DNAJC15: variants seen among roughly 807,000 people sequenced by gnomAD.
The protein encoded by DNAJC15 is DnaJ heat shock protein family (Hsp40) member C15.
A neutral mutation model predicts 22.4 loss-of-function variants in DNAJC15; 27 were observed. That is an observed-to-expected ratio of 1.20 (90% CI 0.89 to 1.66). The LOEUF (loss-of-function observed/expected upper bound fraction) is 1.66, where lower values mean the gene tolerates loss of function less well. DNAJC15 is among the 40% of genes most tolerant of loss of function. DNAJC15 has a pLI of 0.00. For synonymous variants in DNAJC15, 79 were observed against 63.2 expected (o/e 1.25, Z -1.19); for missense variants, 208 against 187.1 (o/e 1.11, Z -0.65).
intron 5 of DNAJC15, among the ~76,000 whole-genome samples, chr13:43,089,259 A>G (rs986653012): frequency 1.3e-5 from 2 of 152,236 alleles, no homozygotes; most frequent in Non-Finnish European, 2.9e-5. Flanking sequence ...AGCACCTACT[A>G]TGTGCCAGGC....
rs545778183 is a variant in DNAJC15 at position 43,023,618 on chromosome 13, C to A, written c.-9C>A. ...GCCGCGGCGCCTTGAGTCTCCGGGC[C>A]GCCTTGCCATGGCTGCCCGTGGTGT... On this transcript the variant is annotated 5_prime_UTR_variant, in exon 1 of 6. Coordinates refer to ENST00000379221, the MANE Select transcript of DNAJC15 (RefSeq NM_013238.3). 9 of 1,606,364 alleles carry A rather than the reference C, an allele frequency of 5.6e-6. No individual in the cohort carries two copies. The highest frequency in any genetic ancestry group is 1.7e-5 in the Admixed American group (1 of 59,342).
At chr13:43,098,022 AGATCAC>A (rs2040749428) in intron 5 of DNAJC15, among the ~76,000 whole-genome samples, 3 of 152,162 alleles carry the variant, frequency 2.0e-5, no homozygotes, top group African/African-American at 7.2e-5. Context: ...AAATGAGGAA[AGATCAC>A]TCCTGGGTTT....
At chr13:43,026,137 G>A (rs971112411) in intron 1 of DNAJC15, among the ~76,000 whole-genome samples, 1 of 152,098 alleles carries the variant, frequency 6.6e-6, no homozygotes, top group African/African-American at 2.4e-5. Flanking sequence ...TCTCCTAAAT[G>A]GTGAACAATT....
chr13:43,064,656 T>A (rs976951943), intron 1 of DNAJC15, among the ~76,000 whole-genome samples: 2 of 152,182 alleles, frequency 1.3e-5, no homozygotes, highest in Non-Finnish European at 2.9e-5. Flanking sequence ...TTTTATCCCA[T>A]GTATTAATAA....
At chr13:43,053,208 CTG>C (rs1175967860) in intron 1 of DNAJC15, among the ~76,000 whole-genome samples, 1 of 152,102 alleles carries the variant, frequency 6.6e-6, no homozygotes, top group Non-Finnish European at 1.5e-5. Flanking sequence ...GATCAGTTGA[CTG>C]TTAAGTATTT....
At chr13:43,083,244 T>A (rs1292203539) in intron 4 of DNAJC15, among the ~76,000 whole-genome samples, 1 of 152,084 alleles carries the variant, frequency 6.6e-6, no homozygotes, top group Non-Finnish European at 1.5e-5. Flanking sequence ...CTTGGCTCAC[T>A]GCAAGCTCCG....
chr13:43,043,216 T>TC (rs573610496), intron 1 of DNAJC15, among the ~76,000 whole-genome samples: 18 of 152,272 alleles, frequency 1.2e-4, no homozygotes, highest in South Asian at 1.0e-3. Context: ...CAAGCGAGTC[T>TC]CCCCCCTCAG....
At chr13:43,104,517 C>T (rs1454957505) in intron 5 of DNAJC15, among the ~76,000 whole-genome samples, 1 of 151,958 alleles carries the variant, frequency 6.6e-6, no homozygotes, top group East Asian at 1.9e-4. Context: ...TGATGGTTCA[C>T]AATAGCCAGA....
At chr13:43,066,389 C>CTGTT (rs1306388646) in intron 2 of DNAJC15, among the ~76,000 whole-genome samples, 3 of 152,054 alleles carry the variant, frequency 2.0e-5, no homozygotes, top group African/African-American at 7.2e-5. Context: ...TTTTCAAAGC[C>CTGTT]AACAGCTTAG....
intron 1 of DNAJC15, among the ~76,000 whole-genome samples, chr13:43,024,177 G>A (rs1054833187): frequency 2.0e-5 from 3 of 151,984 alleles, no homozygotes; most frequent in Non-Finnish European, 2.9e-5. Flanking sequence ...AGTGTTTCGG[G>A]TACCAGGACT....
chr13:43,042,811 GAT>G (rs2040459961), intron 1 of DNAJC15, among the ~76,000 whole-genome samples: 2 of 152,310 alleles, frequency 1.3e-5, no homozygotes, highest in South Asian at 4.1e-4. Flanking sequence ...GATTATCAAA[GAT>G]AAACTCCATA....
intron 1 of DNAJC15, among the ~76,000 whole-genome samples, chr13:43,043,840 T>C (rs2040464720): frequency 6.6e-6 from 1 of 152,058 alleles, no homozygotes; most frequent in South Asian, 2.1e-4. Flanking sequence ...TGGGAATTGG[T>C]GTTTTGGGAG....
chr13:43,065,587 G>C, intron 1 of DNAJC15, 99 bp from the exon 2 acceptor site: 1 of 968,302 alleles, frequency 1.0e-6, no homozygotes, highest in South Asian at 1.4e-5. Context: ...CTTAAAGAAA[G>C]TGTAGTATTG....
intron 4 of DNAJC15, among the ~76,000 whole-genome samples, chr13:43,083,968 T>TTTTA (rs2040675659): frequency 6.6e-6 from 1 of 152,232 alleles, no homozygotes; most frequent in South Asian, 2.1e-4. Context: ...TAATAGTGCA[T>TTTTA]TTTAATGTGC....
Position 43,045,575 on chromosome 13 carries a change from C to G in DNAJC15, c.109-20111C>G, listed in dbSNP as rs142248845. 7.9e-3 allele frequency among the ~76,000 whole-genome samples: 1,197 copies of G among 152,260 alleles called. 14 individuals are homozygous for G. Among genetic ancestry groups the G allele is most frequent in the African/African-American group, 0.028 (1,143 of 41,530 alleles). On this transcript the variant is annotated intron_variant, in intron 1 of 5. Transcript: ENST00000379221. Reference sequence around the variant, plus strand: ...ACAGAGCAGGGAGTTTCACAATGTTCTTCCATACAATGCCTGAAATCTATG... The same window carrying G: ...ACAGAGCAGGGAGTTTCACAATGTTGTTCCATACAATGCCTGAAATCTATG...
chr13:43,074,465 A>G (rs1359663161), intron 3 of DNAJC15, among the ~76,000 whole-genome samples: 1 of 152,160 alleles, frequency 6.6e-6, no homozygotes, highest in African/African-American at 2.4e-5. Flanking sequence ...TTGATGGTAT[A>G]CTTGTTCCTT....
At chr13:43,092,514 A>G (rs74895010) in intron 5 of DNAJC15, among the ~76,000 whole-genome samples, 2,218 of 150,754 alleles carry the variant, frequency 0.015, 57 homozygotes, top group African/African-American at 0.049. Context: ...GTGTGTGTGT[A>G]TATATATATA....
intron 3 of DNAJC15, among the ~76,000 whole-genome samples, chr13:43,075,564 A>T (rs2040629620): frequency 6.6e-6 from 1 of 152,220 alleles, no homozygotes; most frequent in Non-Finnish European, 1.5e-5. Context: ...CTGTTTTGTT[A>T]TGACTAAATC....
At chr13:43,100,684 A>G (rs1407453635) in intron 5 of DNAJC15, among the ~76,000 whole-genome samples, 2 of 152,182 alleles carry the variant, frequency 1.3e-5, no homozygotes, top group African/African-American at 4.8e-5. Flanking sequence ...TTTGTGGCCT[A>G]TTATATGCTC....
Sources: allele counts gnomAD v4.1 joint callset (sites outside exome capture counted in the v4.1 genomes callset), GRCh38; gene constraint gnomAD v4.1.1; transcripts MANE v1.5; gene names NCBI Gene and HGNC (gene_info 2026-07-23, HGNC 2026-07-21).